The following TASP1 variants were observed in gnomAD, a reference collection of about 807,000 sequenced individuals.
TASP1 encodes threonine aspartase 1.
TASP1 carries 16 observed loss-of-function variants against 56.6 expected under a neutral mutation model. The observed-to-expected ratio is 0.28, with a 90% CI of 0.19 to 0.43. The LOEUF (loss-of-function observed/expected upper bound fraction) is 0.43, where lower values mean the gene tolerates loss of function less well. Ranked by LOEUF, TASP1 falls within the 20% of genes least tolerant of loss-of-function variation. TASP1 has a pLI of 1.00. For synonymous variants in TASP1, 179 were observed against 184.2 expected (o/e 0.97, Z 0.23); for missense variants, 393 against 511.6 (o/e 0.77, Z 2.24).
intron 10 of TASP1, among the ~76,000 whole-genome samples, chr20:13,520,109 A>G (rs1214779723): frequency 6.6e-6 from 1 of 152,244 alleles, no homozygotes; most frequent in Non-Finnish European, 1.5e-5. Flanking sequence ...ACCACTGCTC[A>G]ATGAAATAAA....
At chr20:13,107,213 T>G in the TASP1 span, among the ~76,000 whole-genome samples, 1 of 152,104 alleles carries the variant, frequency 6.6e-6, no homozygotes, top group Non-Finnish European at 1.5e-5. Context: ...ATTTCGAGAA[T>G]CTGCATTTTA....
At chr20:13,611,640 G>A (rs1462311594) in intron 4 of TASP1, among the ~76,000 whole-genome samples, 1 of 152,018 alleles carries the variant, frequency 6.6e-6, no homozygotes, top group Non-Finnish European at 1.5e-5. Context: ...TCATTTCCCT[G>A]GCCCTTGCAA....
At chr20:13,254,622 C>T in the TASP1 span, among the ~76,000 whole-genome samples, 8 of 152,108 alleles carry the variant, frequency 5.3e-5, no homozygotes, top group Non-Finnish European at 1.2e-4. Flanking sequence ...AGCACAGTCT[C>T]TATATTCTCT....
intron 7 of TASP1, among the ~76,000 whole-genome samples, chr20:13,563,637 T>C (rs1363884977): frequency 6.7e-6 from 1 of 150,164 alleles, no homozygotes; most frequent in Middle Eastern, 3.3e-3. Context: ...ACACCAACAT[T>C]AACAGGATGA....
At chr20:13,291,164 T>A in the TASP1 span, among the ~76,000 whole-genome samples, 1 of 152,220 alleles carries the variant, frequency 6.6e-6, no homozygotes. Context: ...TCTTGTTTTC[T>A]GTCACCGCGG....
the TASP1 span, among the ~76,000 whole-genome samples, chr20:13,286,045 G>C: frequency 0.018 from 2,742 of 152,256 alleles, 78 homozygotes; most frequent in African/African-American, 0.063. Context: ...ACTCTACCTA[G>C]GGGATTTAAT....
At chr20:13,618,006 T>C (rs1178099223) in intron 4 of TASP1, among the ~76,000 whole-genome samples, 3 of 151,920 alleles carry the variant, frequency 2.0e-5, no homozygotes, top group African/African-American at 7.3e-5. Flanking sequence ...GGGAAGAGAA[T>C]ATGGCCTATT....
chr20:13,247,517 G>GTGTGTGTGT, the TASP1 span, among the ~76,000 whole-genome samples: 1 of 139,806 alleles, frequency 7.2e-6, no homozygotes, highest in African/African-American at 2.7e-5. Context: ...CAAAGTGAGG[G>GTGTGTGTGT]GTGTGTGTGT....
At chr20:13,208,639 G>A in the TASP1 span, among the ~76,000 whole-genome samples, 3 of 152,190 alleles carry the variant, frequency 2.0e-5, no homozygotes, top group Admixed American at 2.0e-4. Context: ...CAACATCTGA[G>A]TATAGGCTCG....
At chr20:13,593,473 C>A (rs991157869) in intron 4 of TASP1, among the ~76,000 whole-genome samples, 8 of 152,182 alleles carry the variant, frequency 5.3e-5, no homozygotes, top group African/African-American at 1.9e-4. Context: ...CAGACTGTAC[C>A]TGGAAAAACA....
the TASP1 span, among the ~76,000 whole-genome samples, chr20:13,358,225 C>T: frequency 1.4e-4 from 21 of 152,304 alleles, no homozygotes; most frequent in Middle Eastern, 3.4e-3. Flanking sequence ...TATCTCCCTT[C>T]GCTGACTTTC....
At chr20:13,525,151 T>A (rs1034702805) in intron 10 of TASP1, among the ~76,000 whole-genome samples, 1 of 152,202 alleles carries the variant, frequency 6.6e-6, no homozygotes, top group African/African-American at 2.4e-5. Context: ...TAAAGGATGA[T>A]GACTTAGATT....
chr20:13,406,672 T>TC (rs1328427598), intron 13 of TASP1, among the ~76,000 whole-genome samples: 21 of 148,368 alleles, frequency 1.4e-4, no homozygotes, highest in African/African-American at 4.9e-4. Flanking sequence ...TTTTTTCTTT[T>TC]TTTTTTTTTT....
chr20:13,221,009 G>T, the TASP1 span, among the ~76,000 whole-genome samples: 1 of 152,036 alleles, frequency 6.6e-6, no homozygotes, highest in Non-Finnish European at 1.5e-5. Flanking sequence ...AGGGCGCCCC[G>T]GCTACCGCCA....
intron 10 of TASP1, among the ~76,000 whole-genome samples, chr20:13,524,946 A>G (rs553853488): frequency 6.6e-6 from 1 of 152,338 alleles, no homozygotes; most frequent in East Asian, 1.9e-4. Context: ...CTGTACACAT[A>G]GAAAGGTATG....
chr20:13,573,433 C>A (rs919557549), intron 6 of TASP1, among the ~76,000 whole-genome samples: 1 of 152,174 alleles, frequency 6.6e-6, no homozygotes, highest in African/African-American at 2.4e-5. Context: ...CTGTGAGAAA[C>A]TTGTATTGTT....
At chr20:13,409,166 T>C (rs2042016176) in intron 13 of TASP1, among the ~76,000 whole-genome samples, 1 of 152,114 alleles carries the variant, frequency 6.6e-6, no homozygotes, top group Non-Finnish European at 1.5e-5. Context: ...TTGAAAATAA[T>C]TGTCAGCTTC....
chr20:13,165,018 T>A, the TASP1 span: 1,231 of 605,598 alleles, frequency 2.0e-3, 11 homozygotes, highest in African/African-American at 0.021. Flanking sequence ...TTGTTGTTTT[T>A]AATGTCTCCA....
chr20:13,413,272 G>A, intron 13 of TASP1, among the ~76,000 whole-genome samples: 1 of 152,138 alleles, frequency 6.6e-6, no homozygotes, highest in East Asian at 1.9e-4. Context: ...GGGAAATATG[G>A]TATGGGCAAC....
Sources: allele counts gnomAD v4.1 joint callset (sites outside exome capture counted in the v4.1 genomes callset), GRCh38; gene constraint gnomAD v4.1.1; transcripts MANE v1.5; gene names NCBI Gene and HGNC (gene_info 2026-07-23, HGNC 2026-07-21).